FBXO11: variants seen among roughly 807,000 people sequenced by gnomAD.
FBXO11 encodes F-box only protein 11.
A neutral mutation model predicts 117.0 loss-of-function variants in FBXO11; 13 were observed. The observed-to-expected ratio is 0.11, with a 90% CI of 0.07 to 0.18. The LOEUF is 0.18. Among genes scored for constraint, FBXO11 ranks in the 10% least tolerant of loss-of-function variants. The pLI is 1.00. For missense variants in FBXO11, 767 were observed against 1,164.4 expected (o/e 0.66, Z 4.97); for synonymous variants, 490 against 380.5 (o/e 1.29, Z -3.35).
intron 1 of FBXO11, among the ~76,000 whole-genome samples, chr2:47,893,626 A>C (rs1299333535): frequency 6.6e-6 from 1 of 152,246 alleles, no homozygotes; most frequent in Non-Finnish European, 1.5e-5. Flanking sequence ...TTTAAGTTCC[A>C]CAAGGGCAAG....
intron 1 of FBXO11, among the ~76,000 whole-genome samples, chr2:47,853,575 C>G (rs1473879253): frequency 6.6e-6 from 1 of 152,106 alleles, no homozygotes; most frequent in African/African-American, 2.4e-5. Context: ...TGGTTACATT[C>G]CTGGCTTAGT....
intron 18 of FBXO11, among the ~76,000 whole-genome samples, chr2:47,812,036 T>C (rs1012732303): frequency 9.9e-5 from 15 of 151,934 alleles, no homozygotes; most frequent in Non-Finnish European, 4.4e-5. Context: ...TCCCTGTCTC[T>C]AATCTTGATT....
chr2:47,858,815 C>G (rs949672227), intron 1 of FBXO11, among the ~76,000 whole-genome samples: 1 of 151,220 alleles, frequency 6.6e-6, no homozygotes, highest in African/African-American at 2.4e-5. Flanking sequence ...GAGGCCAAGA[C>G]GGTTGGATCA....
intron 16 of FBXO11, among the ~76,000 whole-genome samples, chr2:47,817,577 C>T (rs1392015494): frequency 6.6e-6 from 1 of 152,212 alleles, no homozygotes; most frequent in African/African-American, 2.4e-5. Context: ...GACATACTTT[C>T]CTCACTAACC....
rs765336522 is a variant in FBXO11 at position 47,834,819 on chromosome 2, G to C, written c.770C>G (p.Pro257Arg). 6.2e-7 allele frequency: 1 copy of C among 1,613,390 alleles called. No homozygotes were observed. Among genetic ancestry groups the C allele is most frequent in the Non-Finnish European group, 8.5e-7 (1 of 1,179,764 alleles). ...ATTTTCTCTTCCTTTATATCTTGCA[G>C]GGTTACTGTAGAAATGTTCAGCAAA... ...PGFAEHFYSN[P>R]ARYKGRENML... is the part of the protein sequence containing the mutation. Residue 257 changes from proline (P) to arginine (R), a missense_variant, in exon 6 of 23, where the codon CCT (proline) becomes CGT (arginine). Physicochemically the swap from Pro to Arg is moderately radical, Grantham distance 103. This residue lies in a region of FBXO11 where 32 missense variants were observed against 48.4 expected (regional missense o/e 0.66). Coordinates refer to ENST00000403359, the MANE Select transcript of FBXO11 (RefSeq NM_001190274.2).
chr2:47,904,684 T>C (rs1185991923), intron 1 of FBXO11, among the ~76,000 whole-genome samples: 3 of 146,948 alleles, frequency 2.0e-5, no homozygotes, highest in East Asian at 2.0e-4. Context: ...AGACGGAGAG[T>C]AGCACCGCGG....
intron 19 of FBXO11, 176 bp downstream of exon 19, chr2:47,810,140 A>C: frequency 3.6e-6 from 2 of 551,022 alleles, no homozygotes; most frequent in Admixed American, 7.2e-5. Flanking sequence ...AGTCTGGCTT[A>C]GAGTAGAAGA....
chr2:47,877,117 C>T (rs1185604931), intron 1 of FBXO11, among the ~76,000 whole-genome samples: 4 of 152,022 alleles, frequency 2.6e-5, no homozygotes, highest in Non-Finnish European at 5.9e-5. Flanking sequence ...GCCTCAACCT[C>T]CTGGGCTTAA....
chr2:47,877,512 G>A (rs1323760545), intron 1 of FBXO11, among the ~76,000 whole-genome samples: 1 of 152,090 alleles, frequency 6.6e-6, no homozygotes, highest in African/African-American at 2.4e-5. Flanking sequence ...TGTTGACTTG[G>A]TTATTTTAGG....
rs1022240623 is a variant in FBXO11, at chr2:47,837,452, G to A, written c.587+1407C>T. ...TGAGGCAGGAGAATTGCTTGAACCC[G>A]GGAGGCAGAGGTTGCAGTGAGTCAA... On this transcript the variant is annotated intron_variant, in intron 4 of 22. Coordinates refer to ENST00000403359, the MANE Select transcript of FBXO11 (RefSeq NM_001190274.2). 3.3e-5 allele frequency among the ~76,000 whole-genome samples: 5 copies of A among 152,212 alleles called. No individual in the cohort carries two copies. In the South Asian group the frequency reaches 8.3e-4, roughly 25 times the overall value.
At chr2:47,882,926 G>A (rs1676542709) in intron 1 of FBXO11, among the ~76,000 whole-genome samples, 3 of 152,154 alleles carry the variant, frequency 2.0e-5, no homozygotes, top group Non-Finnish European at 4.4e-5. Context: ...TGGGATTACA[G>A]GCGTGAGTCC....
At chr2:47,857,245 A>G (rs1207267867) in intron 1 of FBXO11, among the ~76,000 whole-genome samples, 2 of 152,278 alleles carry the variant, frequency 1.3e-5, no homozygotes, top group East Asian at 3.9e-4. Context: ...ATTTGTTTGG[A>G]GAGAAAAGAT....
At chr2:47,863,189 T>C (rs558129770) in intron 1 of FBXO11, among the ~76,000 whole-genome samples, 61 of 152,056 alleles carry the variant, frequency 4.0e-4, no homozygotes, top group Non-Finnish European at 7.9e-4. Flanking sequence ...CAAAACATTG[T>C]TGTTAGGTTA....
At chr2:47,830,581 T>C (rs971416229) in intron 11 of FBXO11, among the ~76,000 whole-genome samples, 26 of 152,322 alleles carry the variant, frequency 1.7e-4, no homozygotes, top group Non-Finnish European at 2.6e-4. Flanking sequence ...TGGAGATAGA[T>C]TGAAATACTT....
intron 18 of FBXO11, among the ~76,000 whole-genome samples, chr2:47,812,184 T>C (rs1670666312): frequency 6.6e-6 from 1 of 152,220 alleles, no homozygotes; most frequent in East Asian, 1.9e-4. Flanking sequence ...CAGTTTCCTC[T>C]AGACTTTTGT....
intron 4 of FBXO11, 93 bp from the exon 5 acceptor site, chr2:47,836,094 A>G: frequency 2.4e-6 from 2 of 840,610 alleles, no homozygotes; most frequent in Non-Finnish European, 3.5e-6. Flanking sequence ...GAGGCCTCAA[A>G]AACTTGAGTA....
chr2:47,872,752 G>A (rs1010188517), intron 1 of FBXO11, among the ~76,000 whole-genome samples: 1 of 152,150 alleles, frequency 6.6e-6, no homozygotes, highest in Admixed American at 6.5e-5. Context: ...TGCAGAAGCA[G>A]ATATTAAAAT....
At chr2:47,816,594 C>T (rs1572771608) in intron 16 of FBXO11, among the ~76,000 whole-genome samples, 1 of 152,160 alleles carries the variant, frequency 6.6e-6, no homozygotes, top group Admixed American at 6.5e-5. Context: ...CTACTGCTTT[C>T]TAAAAAGTAT....
At chr2:47,819,921 T>G (rs1157327927) in intron 14 of FBXO11, among the ~76,000 whole-genome samples, 1 of 152,198 alleles carries the variant, frequency 6.6e-6, no homozygotes, top group East Asian at 1.9e-4. Flanking sequence ...TGAAGACGAT[T>G]AATACACAGG....
Sources: allele counts gnomAD v4.1 joint callset (sites outside exome capture counted in the v4.1 genomes callset), GRCh38; gene constraint gnomAD v4.1.1; regional missense constraint gnomAD v4.1.1; transcripts MANE v1.5; gene names NCBI Gene and HGNC (gene_info 2026-07-23, HGNC 2026-07-21).